Variants in KHDRBS2 observed in about 807,000 individuals in gnomAD.
KHDRBS2 encodes the protein KH domain-containing, RNA-binding, signal transduction-associated protein 2.
KHDRBS2 carries 26 observed loss-of-function variants against 44.3 expected under a neutral mutation model. The ratio of observed to expected loss-of-function variants is 0.59; its 90% CI spans 0.43 to 0.81. The LOEUF (loss-of-function observed/expected upper bound fraction) is 0.81. Ranked by LOEUF, KHDRBS2 falls within the 40% of genes least tolerant of loss-of-function variation. KHDRBS2 has a pLI of 0.00. For missense variants in KHDRBS2, 476 were observed against 433.1 expected (o/e 1.10, Z -0.88); for synonymous variants, 194 against 151.1 (o/e 1.28, Z -2.08).
chr6:62,116,297 T>C (rs1806202320), intron 2 of KHDRBS2, among the ~76,000 whole-genome samples: 1 of 152,128 alleles, frequency 6.6e-6, no homozygotes, highest in South Asian at 2.1e-4. Flanking sequence ...TCCAAAAACA[T>C]ATTTCTCCTG....
chr6:61,945,429 G>C (rs1189715858), intron 4 of KHDRBS2, among the ~76,000 whole-genome samples: 5 of 151,634 alleles, frequency 3.3e-5, no homozygotes, highest in African/African-American at 1.2e-4. Flanking sequence ...TTCTCCATCT[G>C]TATCAGTTTC....
At chr6:62,155,133 G>A (rs1816074134) in intron 2 of KHDRBS2, among the ~76,000 whole-genome samples, 1 of 152,100 alleles carries the variant, frequency 6.6e-6, no homozygotes, top group African/African-American at 2.4e-5. Flanking sequence ...GGGTGGCAGT[G>A]GGGCTGAAGA....
At chr6:61,582,670 T>C in the KHDRBS2 span, among the ~76,000 whole-genome samples, 1 of 146,372 alleles carries the variant, frequency 6.8e-6, no homozygotes, top group Non-Finnish European at 1.5e-5. Context: ...AATCTTCATA[T>C]TCCTTATGGT....
intron 1 of KHDRBS2, among the ~76,000 whole-genome samples, chr6:62,239,587 ATG>A (rs1834255864): frequency 6.6e-6 from 1 of 152,062 alleles, no homozygotes. Flanking sequence ...AAATAAATGA[ATG>A]AATAAATAAA....
At chr6:62,102,255 T>C (rs1802067764) in intron 2 of KHDRBS2, among the ~76,000 whole-genome samples, 1 of 152,198 alleles carries the variant, frequency 6.6e-6, no homozygotes, top group Non-Finnish European at 1.5e-5. Context: ...TTACATATTG[T>C]ATTAGTCTCT....
At chr6:62,068,572 C>A (rs375902265) in intron 2 of KHDRBS2, among the ~76,000 whole-genome samples, 17 of 151,288 alleles carry the variant, frequency 1.1e-4, no homozygotes, top group African/African-American at 3.9e-4. Context: ...ATCTAAAATA[C>A]CACTGCCTAA....
the KHDRBS2 span, among the ~76,000 whole-genome samples, chr6:61,650,742 C>G: frequency 6.6e-6 from 1 of 151,872 alleles, no homozygotes; most frequent in Non-Finnish European, 1.5e-5. Flanking sequence ...CTAAAAAGTA[C>G]ATTGTAATCA....
At chr6:62,154,729 G>A (rs1198005262) in intron 2 of KHDRBS2, among the ~76,000 whole-genome samples, 1 of 152,160 alleles carries the variant, frequency 6.6e-6, no homozygotes, top group Non-Finnish European at 1.5e-5. Flanking sequence ...TGAGGAGAAT[G>A]CCAGCTGAAG....
intron 1 of KHDRBS2, among the ~76,000 whole-genome samples, chr6:62,239,430 G>T (rs1834222432): frequency 6.6e-6 from 1 of 151,858 alleles, no homozygotes; most frequent in African/African-American, 2.4e-5. Flanking sequence ...AAAATTAACT[G>T]GGAGTGGTGA....
chr6:61,783,454 C>T (rs781182603), intron 6 of KHDRBS2, among the ~76,000 whole-genome samples: 16 of 152,060 alleles, frequency 1.1e-4, no homozygotes, highest in Non-Finnish European at 1.8e-4. Context: ...CCTAGCACTG[C>T]ATCTAGCATG....
chr6:61,665,132 T>G, the KHDRBS2 span, among the ~76,000 whole-genome samples: 1 of 151,526 alleles, frequency 6.6e-6, no homozygotes, highest in Admixed American at 6.6e-5. Context: ...AAATTCTAAT[T>G]TTACTTCCAA....
At chr6:62,057,929 T>C (rs1277889834) in intron 2 of KHDRBS2, among the ~76,000 whole-genome samples, 1 of 151,936 alleles carries the variant, frequency 6.6e-6, no homozygotes, top group Non-Finnish European at 1.5e-5. Context: ...TGTCAGGCCA[T>C]TTTAAGAAAA....
intron 6 of KHDRBS2, among the ~76,000 whole-genome samples, chr6:61,821,404 T>C (rs1454457835): frequency 1.3e-5 from 2 of 152,042 alleles, no homozygotes; most frequent in African/African-American, 4.8e-5. Flanking sequence ...GTAGAACTTG[T>C]GTAATTGCAC....
chr6:62,062,926 AT>A (rs1326543093), intron 2 of KHDRBS2, among the ~76,000 whole-genome samples: 7 of 150,262 alleles, frequency 4.7e-5, no homozygotes, highest in Non-Finnish European at 1.0e-4. Flanking sequence ...AATAGACGCA[AT>A]AAAAAATGAT....
At chr6:62,219,310 A>T (rs1830504430) in intron 1 of KHDRBS2, among the ~76,000 whole-genome samples, 1 of 151,964 alleles carries the variant, frequency 6.6e-6, no homozygotes, top group Non-Finnish European at 1.5e-5. Context: ...AGGGAAAGGA[A>T]CTAACATAAA....
chr6:61,730,518 G>C (rs1408443578), intron 7 of KHDRBS2, among the ~76,000 whole-genome samples: 1 of 152,056 alleles, frequency 6.6e-6, no homozygotes, highest in East Asian at 1.9e-4. Flanking sequence ...TAGGGGACAT[G>C]TACACAAATA....
At chr6:61,804,968 G>A (rs1352080968) in intron 6 of KHDRBS2, among the ~76,000 whole-genome samples, 1 of 152,142 alleles carries the variant, frequency 6.6e-6, no homozygotes, top group African/African-American at 2.4e-5. Context: ...AATTTCTGAA[G>A]CTGCCTTAAA....
rs184361445 is a variant in KHDRBS2, at chr6:61,933,177, G to A, written c.484-31806C>T. Among the ~76,000 whole-genome samples the A allele has an allele frequency of 1.9e-3, 287 of 152,278 alleles. 2 individuals carry two copies. The highest frequency in any genetic ancestry group is 6.2e-3 in the African/African-American group (257 of 41,548). On this transcript the variant is annotated intron_variant, in intron 4 of 8. Transcript: ENST00000281156. The stretch of plus-strand genomic sequence containing the variant: ...CACATCCTACATGGCTGGAGGAAGA[G>A]GAAGAGAGAGAAGGAAGGTGGTGCT...
chr6:61,552,987 G>A, the KHDRBS2 span, among the ~76,000 whole-genome samples: 3 of 152,038 alleles, frequency 2.0e-5, no homozygotes, highest in Non-Finnish European at 4.4e-5. Flanking sequence ...TCTCTGCCAG[G>A]GTTTTGGTAT....
Sources: gnomAD v4.1 joint callset for allele counts (sites outside exome capture counted in the v4.1 genomes callset) on GRCh38, gnomAD v4.1.1 for gene constraint, MANE v1.5 for transcripts, NCBI Gene and HGNC (gene_info 2026-07-23, HGNC 2026-07-21) for gene names.